The following DTNB variants were observed in gnomAD, a reference collection of about 807,000 sequenced individuals.
The protein encoded by DTNB is dystrobrevin beta.
DTNB carries 63 observed loss-of-function variants against 90.7 expected under a neutral mutation model. The ratio of observed to expected loss-of-function variants is 0.69; its 90% CI spans 0.57 to 0.86. The LOEUF is 0.86. Ranked by LOEUF, DTNB falls within the 40% of genes least tolerant of loss-of-function variation. DTNB has a pLI of 0.00. For missense variants in DTNB, 744 were observed against 807.1 expected (o/e 0.92, Z 0.95); for synonymous variants, 277 against 286.7 (o/e 0.97, Z 0.34).
At position 25,526,391 on chromosome 2, in the gene DTNB, A is replaced by AT. The variant is rs1312936429; in HGVS notation, c.1001+5081dup. Among the ~76,000 whole-genome samples the AT allele has an allele frequency of 1.9e-3, 123 of 64,560 alleles. 1 individual carries two copies. In the South Asian group the frequency reaches 0.031, roughly 16 times the overall value. 42.4% of individuals were successfully genotyped at this position (64,560 alleles called of 152,430 possible). A position where few individuals can be genotyped will look rare whatever the true frequency, so the allele number is the denominator to read the frequency against. On this transcript the variant is annotated intron_variant, in intron 9 of 20. Transcript: ENST00000406818. ...TATATATATATATATATATATATATATATATTTTTTTTTTTTTAATTGAGA... is the reference window on the plus strand; with the variant it reads ...TATATATATATATATATATATATATATTATATTTTTTTTTTTTTAATTGAGA...
intron 9 of DTNB, among the ~76,000 whole-genome samples, chr2:25,486,154 TAAAAA>T (rs1553448632): frequency 1.1e-3 from 61 of 55,788 alleles, no homozygotes; most frequent in African/African-American, 3.4e-3. Flanking sequence ...TAAAATAAAA[TAAAAA>T]AATAAAAAAG....
At chr2:25,533,470 G>A (rs148303633) in intron 8 of DTNB, among the ~76,000 whole-genome samples, 31 of 152,214 alleles carry the variant, frequency 2.0e-4, no homozygotes, top group African/African-American at 7.2e-4. Context: ...GTGATGTGAC[G>A]CTGATTCTTC....
Position 25,613,815 on chromosome 2 carries a change from G to A in DTNB, c.363-6494C>T, listed in dbSNP as rs536877293. ...TCTACTAAAAATACAAAAATTAGCC[G>A]GGCGTGGTGGCGCTCACCAGTAATC... On this transcript the variant is annotated intron_variant, in intron 4 of 20. Transcript: ENST00000406818. Among the ~76,000 whole-genome samples, 7 of 152,182 alleles carry A rather than the reference G, an allele frequency of 4.6e-5. No individual in the cohort carries two copies. The East Asian group carries it at 5.8e-4, about 13-fold the overall frequency.
At position 25,498,715 on chromosome 2, in the gene DTNB, G is replaced by A. The variant is rs1233517059; in HGVS notation, c.1002-15842C>T. On this transcript the variant is annotated intron_variant, in intron 9 of 20. Transcript: ENST00000406818. ...ATACAAAAATTAGCCAGGTGTGGTG[G>A]TGCATTCTTGTGGTTCCAGCTATTC... is the stretch of plus-strand genomic sequence containing the variant. 2.0e-5 allele frequency among the ~76,000 whole-genome samples: 3 copies of A among 151,550 alleles called. No homozygotes were observed. The East Asian group carries it at 5.8e-4, about 29-fold the overall frequency.
At chr2:25,444,575 C>A (rs867987262) in intron 12 of DTNB, among the ~76,000 whole-genome samples, 8 of 149,262 alleles carry the variant, frequency 5.4e-5, no homozygotes, top group Admixed American at 1.3e-4. Context: ...TTCAGGAAAA[C>A]AAATTCTCTC....
At chr2:25,498,017 G>A (rs2069393893) in intron 9 of DTNB, among the ~76,000 whole-genome samples, 1 of 152,030 alleles carries the variant, frequency 6.6e-6, no homozygotes, top group Non-Finnish European at 1.5e-5. Context: ...TCCCAAATTA[G>A]AACAAAACTC....
At chr2:25,653,503 CT>C (rs1559398972) in intron 1 of DTNB, among the ~76,000 whole-genome samples, 1 of 116,988 alleles carries the variant, frequency 8.5e-6, no homozygotes, top group African/African-American at 3.3e-5. Flanking sequence ...TTCTTTCTTT[CT>C]TTCTTTCTTT....
chr2:25,447,522 G>A (rs1297975654), intron 12 of DTNB, among the ~76,000 whole-genome samples: 1 of 31,556 alleles, frequency 3.2e-5, no homozygotes. Flanking sequence ...TTTTTTTTTT[G>A]AGACAAGAGT....
intron 1 of DTNB, among the ~76,000 whole-genome samples, chr2:25,658,776 A>G (rs1282415164): frequency 6.6e-6 from 1 of 152,224 alleles, no homozygotes; most frequent in Admixed American, 6.5e-5. Context: ...CAGGCAGTGA[A>G]CTGAGTAGGT....
At chr2:25,567,804 A>C (rs936342081) in intron 8 of DTNB, among the ~76,000 whole-genome samples, 2 of 152,198 alleles carry the variant, frequency 1.3e-5, no homozygotes, top group African/African-American at 4.8e-5. Context: ...AAGGAAGCAG[A>C]GATCTGAATG....
intron 10 of DTNB, among the ~76,000 whole-genome samples, chr2:25,467,883 T>C (rs1280960445): frequency 1.3e-5 from 2 of 152,144 alleles, no homozygotes; most frequent in Admixed American, 6.5e-5. Flanking sequence ...GAAGCAGCTA[T>C]AGCCAATATA....
rs145963790 is a variant in DTNB at position 25,613,147 on chromosome 2, T to C, written c.363-5826A>G. Among the ~76,000 whole-genome samples, 446 of 152,168 alleles carry C rather than the reference T, an allele frequency of 2.9e-3. 1 individual carries two copies. Among genetic ancestry groups the C allele is most frequent in the African/African-American group, 0.01 (426 of 41,542 alleles). ...ATTTATTTGTAGAGACAGGGCCCCA[T>C]AATGTTGCCCAGGCTGGTCTCGAAC... On this transcript the variant is annotated intron_variant, in intron 4 of 20. Coordinates refer to ENST00000406818, the MANE Select transcript of DTNB (RefSeq NM_021907.5).
At chr2:25,523,897 C>CTTTTTT (rs869167435) in intron 9 of DTNB, among the ~76,000 whole-genome samples, 1 of 115,860 alleles carries the variant, frequency 8.6e-6, no homozygotes, top group Non-Finnish European at 1.8e-5. Flanking sequence ...GTCATCTGTA[C>CTTTTTT]TTTTTTTTTT....
chr2:25,605,520 T>C (rs2066919084), intron 5 of DTNB, among the ~76,000 whole-genome samples: 1 of 152,254 alleles, frequency 6.6e-6, no homozygotes, highest in African/African-American at 2.4e-5. Context: ...CTGGAGTAAT[T>C]TTATTATTCA....
At chr2:25,593,824 T>C (rs2064033208) in intron 6 of DTNB, among the ~76,000 whole-genome samples, 1 of 152,340 alleles carries the variant, frequency 6.6e-6, no homozygotes, top group Middle Eastern at 3.4e-3. Flanking sequence ...ATACCCCACA[T>C]AACTGTCATC....
rs2050855883 is a variant in DTNB, at chr2:25,424,528, T to C, written c.1554+3007A>G. The stretch of plus-strand genomic sequence containing the variant: ...TACTTAGGGGAGATACACTCTGGCT[T>C]CCCTGCAGTTTACATAAACCTTTTG... On this transcript the variant is annotated intron_variant, in intron 15 of 20. Transcript: ENST00000406818. The surrounding 1 kb of genome is among the most constrained non-coding windows in gnomAD (Gnocchi z 4.1). Among the ~76,000 whole-genome samples the C allele has an allele frequency of 1.3e-5, 2 of 152,154 alleles. No individual in the cohort carries two copies. The highest frequency in any genetic ancestry group is 6.5e-5 in the Admixed American group (1 of 15,280).
intron 12 of DTNB, among the ~76,000 whole-genome samples, chr2:25,446,736 G>A (rs1437899528): frequency 6.6e-6 from 1 of 152,100 alleles, no homozygotes; most frequent in Non-Finnish European, 1.5e-5. Context: ...TTTTATTTAT[G>A]TATCTGGGGA....
chr2:25,471,091 GT>G (rs1258212503), intron 10 of DTNB, among the ~76,000 whole-genome samples: 3 of 152,208 alleles, frequency 2.0e-5, no homozygotes, highest in Non-Finnish European at 4.4e-5. Context: ...AGAAAATAGT[GT>G]GTGCCTTCGC....
At chr2:25,626,199 C>T (rs545024592) in intron 4 of DTNB, among the ~76,000 whole-genome samples, 7 of 152,276 alleles carry the variant, frequency 4.6e-5, no homozygotes, top group South Asian at 4.1e-4. Context: ...CATTTTTAGA[C>T]AGTAAGATGG....
Sources: allele counts gnomAD v4.1 joint callset (sites outside exome capture counted in the v4.1 genomes callset), GRCh38; gene constraint gnomAD v4.1.1; non-coding constraint Gnocchi (gnomAD v3.1); transcripts MANE v1.5; gene names NCBI Gene and HGNC (gene_info 2026-07-23, HGNC 2026-07-21).